HUWE1: variants seen among roughly 807,000 people sequenced by gnomAD.
The protein encoded by HUWE1 is E3 ubiquitin-protein ligase HUWE1.
Under a neutral mutation model 299.4 loss-of-function variants are expected in HUWE1, and 18 were observed. The observed-to-expected ratio is 0.06, with a 90% confidence interval of 0.04 to 0.09. The LOEUF (loss-of-function observed/expected upper bound fraction) is 0.09, where lower values mean the gene tolerates loss of function less well. Among genes scored for constraint, HUWE1 ranks in the 10% least tolerant of loss-of-function variants. The probability of loss-of-function intolerance (pLI) is 1.00; values close to 1 mark genes in which losing one functional copy is unlikely to be tolerated. For missense variants in HUWE1, 1,832 were observed against 3,462.3 expected (o/e 0.53, Z 11.82); for synonymous variants, 1,317 against 1,286.1 (o/e 1.02, Z -0.51).
chrX:53,627,659 T>C, intron 16 of HUWE1, 80 bp downstream of exon 16: 3 of 981,718 alleles, frequency 3.1e-6, no homozygotes, highest in Non-Finnish European at 4.3e-6. Context: ...GTAAGATCGC[T>C]CTTTAGGGTT....
intron 49 of HUWE1, among the ~76,000 whole-genome samples, chrX:53,565,487 A>C (rs2062481642): frequency 9.0e-6 from 1 of 111,673 alleles, no homozygotes; most frequent in South Asian, 3.8e-4. Flanking sequence ...ATGAGTAACA[A>C]ATTCTTGACT....
In HUWE1 at chrX:53,561,605, C is replaced by T. The variant is rs782031359; in HGVS notation, c.7507+151G>A. ...TTCTCCTAAGTATACACTAATGAGA[C>T]AGATGGATTCAGATATCCCTTGCCC... On this transcript the variant is annotated intron_variant, in intron 55 of 83. Transcript: ENST00000262854. The T allele has an allele frequency of 3.8e-5, 31 of 809,175 alleles. No individual in the cohort carries two copies. The African/African-American group carries it at 5.9e-4, about 15-fold the overall frequency. 66.7% of individuals were successfully genotyped at this position (809,175 alleles called of 1,213,427 possible). A position where few individuals can be genotyped will look rare whatever the true frequency, so the allele number is the denominator to read the frequency against.
At chrX:53,537,819 C>T in intron 77 of HUWE1, 123 bp from the exon 78 acceptor site, 1 of 737,209 alleles carries the variant, frequency 1.4e-6, no homozygotes, top group South Asian at 2.7e-5. Flanking sequence ...ATCTCTGCTC[C>T]ACACCTGTTT....
intron 23 of HUWE1, among the ~76,000 whole-genome samples, chrX:53,610,319 A>G (rs2065382571): frequency 8.9e-6 from 1 of 111,830 alleles, no homozygotes; most frequent in African/African-American, 3.3e-5. Context: ...AACAGAGAGA[A>G]AGCAAACCAA....
At chrX:53,642,222 C>T in intron 7 of HUWE1, among the ~76,000 whole-genome samples, 1 of 112,035 alleles carries the variant, frequency 8.9e-6, no homozygotes, top group Middle Eastern at 4.6e-3. Context: ...CATTCAGATT[C>T]CCTTCTATCA....
chrX:53,671,788 T>C (rs2069551420), intron 3 of HUWE1, among the ~76,000 whole-genome samples: 1 of 48,023 alleles, frequency 2.1e-5, no homozygotes, highest in Non-Finnish European at 3.2e-5. Flanking sequence ...CGAGACTCCG[T>C]CTCAAAAAAA....
intron 3 of HUWE1, among the ~76,000 whole-genome samples, chrX:53,676,265 T>G: frequency 1.5e-5 from 1 of 68,243 alleles, no homozygotes; most frequent in Admixed American, 1.9e-4. Flanking sequence ...TTAATTCCAA[T>G]AACCATATGA....
At chrX:53,585,281 C>A (rs2063802571) in intron 39 of HUWE1, 93 bp from the exon 40 acceptor site, 2 of 906,316 alleles carry the variant, frequency 2.2e-6, no homozygotes, top group Non-Finnish European at 3.2e-6. Flanking sequence ...AAAACTCACC[C>A]AGGAAAAAGA....
chrX:53,631,118 C>A (rs1773156504), intron 11 of HUWE1, 84 bp from the exon 12 acceptor site: 2 of 620,183 alleles, frequency 3.2e-6, no homozygotes, highest in Non-Finnish European at 5.5e-6. Context: ...AAAAACAACA[C>A]AACTAAACGT....
At position 53,541,488 on chromosome X, in the gene HUWE1, GGAGGCTGAGGCA is replaced by G. The variant is rs781920787; in HGVS notation, c.11476+943_11476+954del. 4.5e-5 allele frequency among the ~76,000 whole-genome samples: 5 copies of G among 111,619 alleles called. No homozygotes were observed. The South Asian group carries it at 1.9e-3, about 42-fold the overall frequency. ...AGGCGCCTGTAATCCCAGCTACTTG[GGAGGCTGAGGCA>G]GGAGAATCACTTGAATCCAGGAGGC... On this transcript the variant is annotated intron_variant, in intron 74 of 83. Coordinates refer to ENST00000262854, the MANE Select transcript of HUWE1 (RefSeq NM_031407.7).
chrX:53,584,553 C>A, intron 40 of HUWE1, among the ~76,000 whole-genome samples: 1 of 111,249 alleles, frequency 9.0e-6, no homozygotes, highest in Admixed American at 9.5e-5. Context: ...GTAGACCTTC[C>A]AACAGAGCAA....
chrX:53,663,692 G>C (rs782505462), intron 3 of HUWE1, among the ~76,000 whole-genome samples: 4 of 111,076 alleles, frequency 3.6e-5, no homozygotes, highest in Non-Finnish European at 5.7e-5. Context: ...GGACCATTTA[G>C]CCTCTATTTC....
chrX:53,628,987 A>G, intron 13 of HUWE1, 85 bp from the exon 14 acceptor site: 1 of 802,996 alleles, frequency 1.2e-6, no homozygotes, highest in South Asian at 2.2e-5. Flanking sequence ...TCCAAACTTT[A>G]AAATATAAGT....
At chrX:53,575,589 A>G in intron 45 of HUWE1, 54 bp downstream of exon 45, 2 of 1,124,394 alleles carry the variant, frequency 1.8e-6, no homozygotes, top group Admixed American at 4.4e-5. Flanking sequence ...TACTGAGACC[A>G]CACAGGCATT....
chrX:53,578,206 G>A (rs1163436779), intron 43 of HUWE1, among the ~76,000 whole-genome samples: 1 of 99,036 alleles, frequency 1.0e-5, no homozygotes, highest in African/African-American at 3.8e-5. Flanking sequence ...CGCCTCTGCT[G>A]GGCCGCAACC....
At chrX:53,568,997 AAAC>A (rs1469398659) in intron 48 of HUWE1, 123 bp from the exon 49 acceptor site, 1 of 571,136 alleles carries the variant, frequency 1.8e-6, no homozygotes, top group Admixed American at 2.7e-5. Context: ...AATAACATCT[AAAC>A]AAACAGGTGA....
At chrX:53,627,925 A>G (rs2149012338) in intron 15 of HUWE1, 46 bp from the exon 16 acceptor site, 2 of 1,145,050 alleles carry the variant, frequency 1.7e-6, no homozygotes, top group East Asian at 6.0e-5. Context: ...ATAAAGACAC[A>G]AAGTTGTAAA....
intron 42 of HUWE1, among the ~76,000 whole-genome samples, chrX:53,582,375 C>T (rs1248872885): frequency 8.9e-6 from 1 of 112,435 alleles, no homozygotes; most frequent in Non-Finnish European, 1.9e-5. Flanking sequence ...CTCTCTTTCT[C>T]TTGATTTGGC....
intron 43 of HUWE1, among the ~76,000 whole-genome samples, chrX:53,577,675 C>G (rs1481226663): frequency 9.8e-6 from 1 of 101,530 alleles, no homozygotes; most frequent in Non-Finnish European, 2.1e-5. Flanking sequence ...CGCGCCGCCA[C>G]GCCTGACTGG....
Sources: allele counts gnomAD v4.1 joint callset (sites outside exome capture counted in the v4.1 genomes callset), GRCh38; gene constraint gnomAD v4.1.1; transcripts MANE v1.5; gene names NCBI Gene and HGNC (gene_info 2026-07-23, HGNC 2026-07-21).